The following RYR2 variants were observed in gnomAD, a reference collection of about 807,000 sequenced individuals.
RYR2 encodes ryanodine receptor 2, also known as cardiac muscle ryanodine receptor-calcium release channel.
RYR2 carries 227 observed loss-of-function variants against 601.1 expected under a neutral mutation model. That is an observed-to-expected ratio of 0.38 (90% CI 0.34 to 0.42). The LOEUF (loss-of-function observed/expected upper bound fraction) is 0.42. RYR2 is among the 10% of genes least tolerant of loss of function. The probability of loss-of-function intolerance (pLI) is 1.00; values close to 1 mark genes in which losing one functional copy is unlikely to be tolerated. For missense variants in RYR2, 4,646 were observed against 6,156.5 expected (o/e 0.75, Z 8.21); for synonymous variants, 2,223 against 2,175.1 (o/e 1.02, Z -0.61).
chr1:237,495,478 G>C (rs1663971417), intron 19 of RYR2, among the ~76,000 whole-genome samples: 2 of 152,140 alleles, frequency 1.3e-5, no homozygotes, highest in South Asian at 4.1e-4. Context: ...TGCTGAGCTA[G>C]GAAGCAAAGT....
In RYR2 at chr1:237,182,243, T is replaced by C. The variant is rs1678852475; in HGVS notation, c.49-88254T>C. On this transcript the variant is annotated intron_variant, in intron 1 of 104. Transcript: ENST00000366574. ...TTCAATCAATTCTCCTTCCTCAGCC[T>C]CCTGAGTAGCTGGGATTACAGGTGT... is the stretch of plus-strand genomic sequence containing the variant. Among the ~76,000 whole-genome samples, 4 of 152,088 alleles carry C rather than the reference T, an allele frequency of 2.6e-5. No individual in the cohort carries two copies. The South Asian group carries it at 6.2e-4, about 24-fold the overall frequency.
chr1:237,736,461 C>A (rs1293838992), intron 79 of RYR2, among the ~76,000 whole-genome samples: 584 of 129,348 alleles, frequency 4.5e-3, no homozygotes, highest in Middle Eastern at 7.6e-3. Flanking sequence ...GAGTCCGTTT[C>A]AAAAAAAAAA....
At chr1:237,107,780 G>C (rs973072772) in intron 1 of RYR2, among the ~76,000 whole-genome samples, 1 of 152,108 alleles carries the variant, frequency 6.6e-6, no homozygotes, top group Non-Finnish European at 1.5e-5. Context: ...CCAGATTCAC[G>C]GTGTCCTGCA....
intron 1 of RYR2, among the ~76,000 whole-genome samples, chr1:237,201,388 G>A (rs1024543978): frequency 6.6e-6 from 1 of 152,164 alleles, no homozygotes; most frequent in Non-Finnish European, 1.5e-5. Context: ...ATGTTGATTT[G>A]TAACATCAGA....
intron 1 of RYR2, among the ~76,000 whole-genome samples, chr1:237,119,747 G>A (rs917192497): frequency 4.6e-5 from 7 of 152,154 alleles, no homozygotes; most frequent in Admixed American, 6.5e-5. Flanking sequence ...ATTGCCTTTC[G>A]GTGCCAGGGA....
At chr1:237,291,098 A>G (rs534165971) in intron 2 of RYR2, among the ~76,000 whole-genome samples, 3 of 152,288 alleles carry the variant, frequency 2.0e-5, no homozygotes, top group African/African-American at 7.2e-5. Flanking sequence ...AATGTTTAAG[A>G]AGGTCATAAT....
intron 24 of RYR2, among the ~76,000 whole-genome samples, chr1:237,530,114 A>G (rs1355184281): frequency 1.3e-5 from 2 of 152,016 alleles, no homozygotes; most frequent in African/African-American, 2.4e-5. Flanking sequence ...GATCGAGACC[A>G]TCCTGGCTAA....
At chr1:237,480,399 A>G (rs1661917978) in intron 17 of RYR2, among the ~76,000 whole-genome samples, 1 of 151,716 alleles carries the variant, frequency 6.6e-6, no homozygotes, top group Non-Finnish European at 1.5e-5. Flanking sequence ...AAAAAAAAAA[A>G]AGAATATCTT....
intron 101 of RYR2, among the ~76,000 whole-genome samples, chr1:237,820,275 A>G (rs959775552): frequency 5.9e-5 from 9 of 151,280 alleles, no homozygotes; most frequent in Non-Finnish European, 1.3e-4. Flanking sequence ...GCTCCCAGTG[A>G]GATTGACGCA....
Position 237,180,893 on chromosome 1 carries a change from CAAT to C in RYR2, c.49-89601_49-89599del, listed in dbSNP as rs1364485369. Among the ~76,000 whole-genome samples the C allele has an allele frequency of 1.3e-5, 2 of 148,350 alleles. No homozygotes were observed. The highest frequency in any genetic ancestry group is 2.1e-4 in the South Asian group (1 of 4,752). ...AATATATTTGATTATATAATTATAA[CAAT>C]AAATATATAACTAATAATATACTAA... On this transcript the variant is annotated intron_variant, in intron 1 of 104. Coordinates refer to ENST00000366574, the MANE Select transcript of RYR2 (RefSeq NM_001035.3). The surrounding 1 kb of genome is among the most constrained non-coding windows in gnomAD (Gnocchi z 5.3).
intron 62 of RYR2, 41 bp from the exon 63 acceptor site, chr1:237,687,414 T>C (rs764579444): frequency 1.1e-6 from 1 of 935,376 alleles, no homozygotes; most frequent in Admixed American, 2.0e-5. Context: ...TACCTTCCCT[T>C]CCCCCTTCCC....
At chr1:237,262,373 A>C (rs1000001634) in intron 1 of RYR2, among the ~76,000 whole-genome samples, 3 of 146,220 alleles carry the variant, frequency 2.1e-5, no homozygotes, top group African/African-American at 7.5e-5. Context: ...CTCCTGCCTT[A>C]GCCTCCTGAG....
chr1:237,380,456 C>T (rs2149806479), intron 8 of RYR2, among the ~76,000 whole-genome samples: 1 of 119,132 alleles, frequency 8.4e-6, no homozygotes, highest in Non-Finnish European at 1.7e-5. Flanking sequence ...TGAACCTGGG[C>T]TAATCATGTA....
chr1:237,671,305 T>G (rs1684904227), intron 58 of RYR2, among the ~76,000 whole-genome samples: 1 of 152,154 alleles, frequency 6.6e-6, no homozygotes, highest in Non-Finnish European at 1.5e-5. Flanking sequence ...GAAGATAGGT[T>G]ACAGACTGTG....
intron 32 of RYR2, among the ~76,000 whole-genome samples, chr1:237,592,499 G>C (rs1361385011): frequency 6.6e-6 from 1 of 151,832 alleles, no homozygotes; most frequent in Non-Finnish European, 1.5e-5. Context: ...GGAGTGTGGA[G>C]GTGGGCACCT....
chr1:237,368,647 A>C (rs754974475), intron 5 of RYR2, among the ~76,000 whole-genome samples: 4 of 152,110 alleles, frequency 2.6e-5, no homozygotes, highest in Admixed American at 6.6e-5. Context: ...GTGTTTTTAC[A>C]AGCTCTCCAA....
At chr1:237,670,125 A>C (rs1684779638) in intron 58 of RYR2, among the ~76,000 whole-genome samples, 1 of 152,074 alleles carries the variant, frequency 6.6e-6, no homozygotes, top group African/African-American at 2.4e-5. Flanking sequence ...CGTCTCCACC[A>C]AAAAAATACG....
At chr1:237,065,269 CTTTTTTTTTT>C (rs766039441) in intron 1 of RYR2, among the ~76,000 whole-genome samples, 3 of 77,492 alleles carry the variant, frequency 3.9e-5, no homozygotes, top group African/African-American at 1.0e-4. Context: ...GTGTGCTATC[CTTTTTTTTTT>C]TTTTTTTTTT....
At chr1:237,199,731 A>G (rs1183184192) in intron 1 of RYR2, among the ~76,000 whole-genome samples, 4 of 152,204 alleles carry the variant, frequency 2.6e-5, no homozygotes, top group Non-Finnish European at 4.4e-5. Flanking sequence ...AAAATCAGCA[A>G]TATAAAACAG....
Sources: gnomAD v4.1 joint callset for allele counts (sites outside exome capture counted in the v4.1 genomes callset) on GRCh38, gnomAD v4.1.1 for gene constraint, Gnocchi (gnomAD v3.1) non-coding constraint, MANE v1.5 for transcripts, NCBI Gene and HGNC (gene_info 2026-07-23, HGNC 2026-07-21) for gene names.